The following GAS7 variants were observed in gnomAD, a reference collection of about 807,000 sequenced individuals.
GAS7 encodes the protein growth arrest specific 7, also known as growth arrest-specific protein 7.
Under a neutral mutation model 71.1 loss-of-function variants are expected in GAS7, and 28 were observed. The observed-to-expected ratio is 0.39, with a 90% CI of 0.29 to 0.54. The LOEUF (loss-of-function observed/expected upper bound fraction) is 0.54, where lower values mean the gene tolerates loss of function less well. Ranked by LOEUF, GAS7 falls within the 20% of genes least tolerant of loss-of-function variation. The probability of loss-of-function intolerance (pLI) is 0.62; values close to 1 mark genes in which losing one functional copy is unlikely to be tolerated. For synonymous variants in GAS7, 258 were observed against 245.8 expected (o/e 1.05, Z -0.46); for missense variants, 436 against 627.8 (o/e 0.69, Z 3.27).
chr17:10,198,383 C>G lies in GAS7; in HGVS notation c.8G>C (p.Gly3Ala). The G allele has an allele frequency of 6.3e-7, 1 of 1,581,040 alleles. No homozygotes were observed. The highest frequency in any genetic ancestry group is 8.5e-7 in the Non-Finnish European group (1 of 1,172,082). The change falls in exon 1 of 14, where the codon GGC (glycine) becomes GCC (alanine). Residue 3 changes from glycine (G) to alanine (A), a missense_variant. Gly to Ala is a moderately conservative substitution (Grantham distance 60). Coordinates refer to ENST00000432992, the MANE Select transcript of GAS7 (RefSeq NM_201433.2). ...GGGGTACAGGGTCCGGCAGCGAGCG[C>G]CGGACATGGCCTTGGCGCCCGGGTT... is the stretch of plus-strand genomic sequence containing the variant. MS[G>A]ARCRTLYPFS...
chr17:10,133,479 A>G (rs4572442), intron 1 of GAS7, among the ~76,000 whole-genome samples: 48,278 of 152,038 alleles, frequency 0.32, 9,537 homozygotes, highest in Non-Finnish European at 0.44. Flanking sequence ...TACAACATAT[A>G]TTTATGGTGT....
Position 10,140,055 on chromosome 17 carries a change from A to G in GAS7, c.183+58153T>C, listed in dbSNP as rs193040985. 2.1e-3 allele frequency among the ~76,000 whole-genome samples: 321 copies of G among 152,098 alleles called. 4 individuals carry two copies. Among genetic ancestry groups the G allele is most frequent in the African/African-American group, 7.6e-3 (315 of 41,490 alleles). On this transcript the variant is annotated intron_variant, in intron 1 of 13. Coordinates refer to ENST00000432992, the MANE Select transcript of GAS7 (RefSeq NM_201433.2). The stretch of plus-strand genomic sequence containing the variant: ...CTCATGATCTTCTCTTCTTAACTTC[A>G]CCTTTCCCGTAGACTTCAAGCTCCA...
chr17:9,921,958 CAAAAAAAAA>C (rs35195748), intron 11 of GAS7, among the ~76,000 whole-genome samples: 12 of 89,240 alleles, frequency 1.3e-4, no homozygotes, highest in African/African-American at 5.0e-4. Flanking sequence ...GACTCCATCT[CAAAAAAAAA>C]AAAAAAAAAG....
rs146464281 is a variant in GAS7 at position 9,938,296 on chromosome 17, C to T, written c.806+1830G>A. Among the ~76,000 whole-genome samples the T allele has an allele frequency of 1.5e-3, 232 of 151,940 alleles. 2 individuals carry two copies. Among genetic ancestry groups the T allele is most frequent in the Middle Eastern group, 6.8e-3 (2 of 294 alleles). On this transcript the variant is annotated intron_variant, in intron 8 of 13. Coordinates refer to ENST00000432992, the MANE Select transcript of GAS7 (RefSeq NM_201433.2). Reference sequence around the variant, plus strand: ...CCAAGGAGGGTGGACTGCTTGAGTTCAGGGGTTCTAGACCAGCCTGACCAA... The same window carrying T: ...CCAAGGAGGGTGGACTGCTTGAGTTTAGGGGTTCTAGACCAGCCTGACCAA...
chr17:10,063,022 C>T (rs2073236319), intron 1 of GAS7, among the ~76,000 whole-genome samples: 2 of 152,242 alleles, frequency 1.3e-5, no homozygotes, highest in Admixed American at 1.3e-4. Context: ...AGGATGGACC[C>T]CTCCCCACAG....
chr17:10,066,634 C>T (rs1199490264), intron 1 of GAS7, among the ~76,000 whole-genome samples: 2 of 152,196 alleles, frequency 1.3e-5, no homozygotes, highest in Non-Finnish European at 1.5e-5. Context: ...CTGTGCCTGG[C>T]CTACAAGGTC....
At chr17:10,020,785 C>T (rs1258082410) in intron 1 of GAS7, among the ~76,000 whole-genome samples, 4 of 151,996 alleles carry the variant, frequency 2.6e-5, no homozygotes, top group Non-Finnish European at 5.9e-5. Flanking sequence ...TGGTGGTGTG[C>T]GCCTGTAGTC....
intron 1 of GAS7, among the ~76,000 whole-genome samples, chr17:10,066,561 G>A (rs1438216071): frequency 6.6e-6 from 1 of 152,108 alleles, no homozygotes; most frequent in African/African-American, 2.4e-5. Context: ...GTCTTGAACA[G>A]CTGGCCTCAG....
At chr17:10,178,561 C>T (rs891211476) in intron 1 of GAS7, among the ~76,000 whole-genome samples, 1 of 152,088 alleles carries the variant, frequency 6.6e-6, no homozygotes, top group Non-Finnish European at 1.5e-5. Context: ...CATACCTCTC[C>T]TGTGAACATC....
At chr17:9,964,312 C>G (rs1020491382) in intron 4 of GAS7, among the ~76,000 whole-genome samples, 7 of 150,094 alleles carry the variant, frequency 4.7e-5, no homozygotes, top group African/African-American at 1.2e-4. Flanking sequence ...CCCATTTCCT[C>G]CCCCCCTGCA....
intron 1 of GAS7, among the ~76,000 whole-genome samples, chr17:10,020,916 A>G (rs1211298583): frequency 6.6e-6 from 1 of 152,192 alleles, no homozygotes; most frequent in Admixed American, 6.5e-5. Flanking sequence ...CCATCTCAAA[A>G]CAAACAAACA....
intron 5 of GAS7, chr17:9,958,943 A>G: frequency 7.2e-7 from 1 of 1,384,384 alleles, no homozygotes; most frequent in Non-Finnish European, 9.4e-7. Context: ...CCTGCCCTGA[A>G]AAAACGGCTT....
At chr17:10,023,024 G>A (rs963586108) in intron 1 of GAS7, among the ~76,000 whole-genome samples, 5 of 152,148 alleles carry the variant, frequency 3.3e-5, no homozygotes, top group African/African-American at 7.2e-5. Context: ...TCCCTTCTCC[G>A]CAAGGCACTG....
Position 9,926,625 on chromosome 17 carries a change from G to C in GAS7, c.1014+16C>G. 2.5e-6 allele frequency: 4 copies of C among 1,611,846 alleles called. No individual in the cohort carries two copies. Among genetic ancestry groups the C allele is most frequent in the Non-Finnish European group, 3.4e-6 (4 of 1,179,620 alleles). On this transcript the variant is annotated intron_variant, in intron 10 of 13. Coordinates refer to ENST00000432992, the MANE Select transcript of GAS7 (RefSeq NM_201433.2). This position sits in a 1 kb window ranked among gnomAD's most constrained non-coding sequence, Gnocchi z 5.0. Reference sequence around the variant, plus strand: ...CCCCATGCACCTGCCCTGGCCCAGCGTCCTGGGCCTCTCACCTTCTCCACC... The same window carrying C: ...CCCCATGCACCTGCCCTGGCCCAGCCTCCTGGGCCTCTCACCTTCTCCACC...
At chr17:9,943,405 C>T (rs2068678616) in intron 6 of GAS7, among the ~76,000 whole-genome samples, 169 bp from the exon 7 acceptor site, 1 of 152,012 alleles carries the variant, frequency 6.6e-6, no homozygotes, top group Non-Finnish European at 1.5e-5. Flanking sequence ...TCCTGGTGCC[C>T]CCACTCCCAA....
intron 1 of GAS7, among the ~76,000 whole-genome samples, chr17:10,033,140 A>G (rs1302535247): frequency 6.6e-6 from 1 of 152,186 alleles, no homozygotes; most frequent in African/African-American, 2.4e-5. Context: ...GCTAGTTGAT[A>G]TCTATAACGA....
intron 2 of GAS7, among the ~76,000 whole-genome samples, chr17:10,018,050 G>T (rs1567544648): frequency 6.6e-6 from 1 of 152,214 alleles, no homozygotes; most frequent in Non-Finnish European, 1.5e-5. Context: ...CTGTTTAAAA[G>T]AATGGGTTAG....
At chr17:9,942,984 T>C (rs1429981648) in intron 7 of GAS7, 137 bp downstream of exon 7, 3 of 581,722 alleles carry the variant, frequency 5.2e-6, no homozygotes, top group Non-Finnish European at 6.2e-6. Flanking sequence ...CCAGGCGCCA[T>C]GAGTTTGCCG....
At position 10,159,825 on chromosome 17, in the gene GAS7, G is replaced by A. The variant is rs146104291; in HGVS notation, c.183+38383C>T. 2.8e-3 allele frequency among the ~76,000 whole-genome samples: 384 copies of A among 138,802 alleles called. 1 individual carries two copies. The highest frequency in any genetic ancestry group is 9.1e-3 in the African/African-American group (330 of 36,268). The allele number at this position is 138,802 out of a possible 152,430, so 91.1% of individuals were successfully genotyped here. Reference sequence around the variant, plus strand: ...TTTTGAGACAGTGTCTCACTCTGTCGCCCAGGCTGAAGTGCAGTGGCACGA... The same window carrying A: ...TTTTGAGACAGTGTCTCACTCTGTCACCCAGGCTGAAGTGCAGTGGCACGA... On this transcript the variant is annotated intron_variant, in intron 1 of 13. Coordinates refer to ENST00000432992, the MANE Select transcript of GAS7 (RefSeq NM_201433.2).
Sources: gnomAD v4.1 joint callset for allele counts (sites outside exome capture counted in the v4.1 genomes callset) on GRCh38, gnomAD v4.1.1 for gene constraint, Gnocchi (gnomAD v3.1) non-coding constraint, MANE v1.5 for transcripts, NCBI Gene and HGNC (gene_info 2026-07-23, HGNC 2026-07-21) for gene names.